Variants in PRKACA observed in about 807,000 individuals in gnomAD.
PRKACA encodes the protein cAMP-dependent protein kinase catalytic subunit alpha.
In PRKACA, 9 loss-of-function variants were observed where a neutral mutation model predicts 45.8. The observed-to-expected ratio is 0.20, with a 90% CI of 0.12 to 0.34. The LOEUF is 0.34. Ranked by LOEUF, PRKACA falls within the 10% of genes least tolerant of loss-of-function variation. The pLI is 1.00. For missense variants in PRKACA, 238 were observed against 458.6 expected (o/e 0.52, Z 4.39); for synonymous variants, 160 against 178.6 (o/e 0.90, Z 0.83).
At chr19:14,104,205 C>T (rs1420412851) in intron 3 of PRKACA, among the ~76,000 whole-genome samples, 5 of 149,742 alleles carry the variant, frequency 3.3e-5, no homozygotes, top group African/African-American at 4.9e-5. Flanking sequence ...GGTGTGGTGG[C>T]GGGCGCCTGT....
chr19:14,115,561 G>A (rs910090679), intron 1 of PRKACA, among the ~76,000 whole-genome samples: 4 of 152,040 alleles, frequency 2.6e-5, no homozygotes, highest in Admixed American at 2.0e-4. Flanking sequence ...ATCTCTATCC[G>A]CCTGGCCATT....
chr19:14,094,185 G>GGAA (rs1977178621), intron 8 of PRKACA, among the ~76,000 whole-genome samples: 1 of 58,916 alleles, frequency 1.7e-5, no homozygotes, highest in African/African-American at 6.2e-5. Flanking sequence ...TTCTTTTTTT[G>GGAA]AAAAAAAAAA....
At chr19:14,113,192 G>C (rs537243791) in intron 1 of PRKACA, among the ~76,000 whole-genome samples, 1 of 151,958 alleles carries the variant, frequency 6.6e-6, no homozygotes, top group Non-Finnish European at 1.5e-5. Context: ...AACCGGAAAC[G>C]AGCGGCTAAA....
intron 1 of PRKACA, among the ~76,000 whole-genome samples, chr19:14,110,577 A>C (rs1414537269): frequency 1.3e-5 from 2 of 152,056 alleles, no homozygotes; most frequent in African/African-American, 2.4e-5. Context: ...GTCTCAAAAA[A>C]AAAAGTAATA....
In PRKACA at chr19:14,092,417, C is replaced by T; in HGVS notation, c.*695G>A. Reference sequence around the variant, plus strand: ...CGGGGAGGGGCCCAGGGGAGATTAGCAGCGGGGAGGTTCAAACCCCAGCGC... The same window carrying T: ...CGGGGAGGGGCCCAGGGGAGATTAGTAGCGGGGAGGTTCAAACCCCAGCGC... On this transcript the variant is annotated 3_prime_UTR_variant, in exon 10 of 10. Transcript: ENST00000308677. The T allele has an allele frequency of 2.6e-6, 1 of 385,838 alleles. No homozygotes were observed. Among genetic ancestry groups the T allele is most frequent in the Non-Finnish European group, 4.6e-6 (1 of 218,374 alleles). The allele number at this position is 385,838 out of a possible 1,614,324, so 23.9% of individuals were successfully genotyped here. A position where few individuals can be genotyped will look rare whatever the true frequency, so the allele number is the denominator to read the frequency against.
rs1020387519 is a variant in PRKACA, at chr19:14,117,652, G to A, written c.-105C>T. 2.3e-5 allele frequency: 15 copies of A among 638,802 alleles called. No homozygotes were observed. The highest frequency in any genetic ancestry group is 2.9e-5 in the Non-Finnish European group (15 of 515,328). The allele number at this position is 638,802 out of a possible 1,614,324, so 39.6% of individuals were successfully genotyped here. ...TGGGCGGCGGCGGCGGCGGCCCTCG[G>A]GCTGGCTGCGCTAGCTGCGGCGCCG... is the stretch of plus-strand genomic sequence containing the variant. On this transcript the variant is annotated 5_prime_UTR_variant, in exon 1 of 10. Transcript: ENST00000308677.
Sources: allele counts gnomAD v4.1 joint callset (sites outside exome capture counted in the v4.1 genomes callset), GRCh38; gene constraint gnomAD v4.1.1; transcripts MANE v1.5; gene names NCBI Gene and HGNC (gene_info 2026-07-23, HGNC 2026-07-21).